The following PCDHGA9 variants were observed in gnomAD, a reference collection of about 807,000 sequenced individuals.
PCDHGA9 encodes protocadherin gamma-A9.
A neutral mutation model predicts 62.5 loss-of-function variants in PCDHGA9; 37 were observed. That is an observed-to-expected ratio of 0.59 (90% confidence interval 0.46 to 0.78). The LOEUF (loss-of-function observed/expected upper bound fraction) is 0.78, where lower values mean the gene tolerates loss of function less well. Ranked by LOEUF, PCDHGA9 falls within the 30% of genes least tolerant of loss-of-function variation. The pLI, the probability that PCDHGA9 is intolerant of heterozygous loss-of-function variation, is 0.00. For synonymous variants in PCDHGA9, 459 were observed against 484.6 expected (o/e 0.95, Z 0.69); for missense variants, 1,138 against 1,166.2 (o/e 0.98, Z 0.35).
intron 1 of PCDHGA9, chr5:141,423,689 G>T: frequency 7.1e-7 from 1 of 1,400,130 alleles, no homozygotes; most frequent in Non-Finnish European, 9.4e-7. Context: ...CCTCCTAATT[G>T]TTGGTGTCTT....
intron 1 of PCDHGA9, among the ~76,000 whole-genome samples, chr5:141,438,216 T>A (rs2097938802): frequency 6.6e-6 from 1 of 152,158 alleles, no homozygotes; most frequent in Non-Finnish European, 1.5e-5. Flanking sequence ...TGGGAAGGGC[T>A]CTGGTTCAGG....
chr5:141,432,575 T>TACC lies in PCDHGA9; in HGVS notation c.2424+27200_2424+27202dup, dbSNP rs1044250629. 6.2e-7 allele frequency: 1 copy of TACC among 1,613,326 alleles called. No individual in the cohort carries two copies. The highest frequency in any genetic ancestry group is 1.3e-5 in the African/African-American group (1 of 74,718). ...CTCCGGCCAGAACGCCTGGCTGTCC[T>TACC]ACCGTCTGCTCAAGGCCAGCGAGCC... On this transcript the variant is annotated intron_variant, in intron 1 of 3. Transcript: ENST00000573521. This position sits in a 1 kb window ranked among gnomAD's most constrained non-coding sequence, Gnocchi z 6.0.
intron 1 of PCDHGA9, chr5:141,418,636 C>G (rs564881404): frequency 6.2e-7 from 1 of 1,613,980 alleles, no homozygotes; most frequent in South Asian, 1.1e-5. Context: ...CTCCAGGCAC[C>G]TCCATCCTGA....
chr5:141,457,680 G>A lies in PCDHGA9; in HGVS notation c.2425-37127G>A, dbSNP rs866876250. 2.6e-5 allele frequency among the ~76,000 whole-genome samples: 4 copies of A among 152,290 alleles called. No individual in the cohort carries two copies. The South Asian group carries it at 8.3e-4, about 32-fold the overall frequency. On this transcript the variant is annotated intron_variant, in intron 1 of 3. Coordinates refer to ENST00000573521, the MANE Select transcript of PCDHGA9 (RefSeq NM_018921.3). The stretch of plus-strand genomic sequence containing the variant: ...AGCAAGAATGGTTATTTCTACATAG[G>A]ACTTTTGGATTGGCTTTGATGAAAC...
chr5:141,453,465 A>G (rs1167340749), intron 1 of PCDHGA9, among the ~76,000 whole-genome samples: 2 of 152,098 alleles, frequency 1.3e-5, no homozygotes, highest in African/African-American at 4.8e-5. Flanking sequence ...AAACATTAAC[A>G]TAAAGTCAAA....
intron 1 of PCDHGA9, among the ~76,000 whole-genome samples, chr5:141,466,506 G>A (rs1417729031): frequency 6.6e-6 from 1 of 152,156 alleles, no homozygotes; most frequent in Non-Finnish European, 1.5e-5. Context: ...GCACAGACAA[G>A]ATCATTTTTT....
chr5:141,494,173 G>C (rs554811420), intron 1 of PCDHGA9, among the ~76,000 whole-genome samples: 2 of 152,304 alleles, frequency 1.3e-5, no homozygotes, highest in South Asian at 2.1e-4. Flanking sequence ...CTAGGGGTGA[G>C]AAGTGTCCCG....
At chr5:141,417,872 T>G (rs2096175848) in intron 1 of PCDHGA9, 5 of 1,555,026 alleles carry the variant, frequency 3.2e-6, no homozygotes, top group African/African-American at 1.4e-5. Flanking sequence ...GGGAGGGAGC[T>G]GCGCGCAGAG....
intron 1 of PCDHGA9, chr5:141,413,580 A>G (rs1216926250): frequency 5.0e-6 from 8 of 1,613,804 alleles, no homozygotes; most frequent in Non-Finnish European, 1.7e-6. Context: ...ACAATGCTCC[A>G]AAATTCCAAG....
chr5:141,460,537 C>T (rs2098991642), intron 1 of PCDHGA9, among the ~76,000 whole-genome samples: 1 of 152,062 alleles, frequency 6.6e-6, no homozygotes, highest in African/African-American at 2.4e-5. Context: ...ATAATCTTAG[C>T]ACCTTAATCA....
chr5:141,490,092 C>T lies in PCDHGA9; in HGVS notation c.2425-4715C>T. On this transcript the variant is annotated intron_variant, in intron 1 of 3. Coordinates refer to ENST00000573521, the MANE Select transcript of PCDHGA9 (RefSeq NM_018921.3). This position sits in a 1 kb window ranked among gnomAD's most constrained non-coding sequence, Gnocchi z 5.4. ...AACTAGACTATTCTTTTGGAGACCA[C>T]ACATCTGAGGCAGTGCGGAACCTCT... 6.2e-7 allele frequency: 1 copy of T among 1,614,240 alleles called. No individual in the cohort carries two copies.
chr5:141,471,058 T>C (rs991869999), intron 1 of PCDHGA9, among the ~76,000 whole-genome samples: 2 of 149,826 alleles, frequency 1.3e-5, no homozygotes, highest in Non-Finnish European at 3.0e-5. Context: ...TTTTTTTTTT[T>C]TTTTTTTTGA....
intron 1 of PCDHGA9, chr5:141,410,296 A>G (rs1424650333): frequency 6.2e-7 from 1 of 1,613,774 alleles, no homozygotes; most frequent in Admixed American, 1.7e-5. Flanking sequence ...CCTTGGCCTT[A>G]ATCTCAGTGC....
At chr5:141,427,986 G>C in intron 1 of PCDHGA9, 1 of 1,598,018 alleles carries the variant, frequency 6.3e-7, no homozygotes, top group East Asian at 2.2e-5. Context: ...GCTGGGGCCC[G>C]ATGGCTCCGC....
intron 1 of PCDHGA9, chr5:141,415,489 C>G: frequency 6.2e-7 from 1 of 1,614,220 alleles, no homozygotes; most frequent in Non-Finnish European, 8.5e-7. Flanking sequence ...AAAGAGTCAC[C>G]TGATCTTCCC....
In PCDHGA9 at chr5:141,404,785, C is replaced by T. The variant is rs1028323734; in HGVS notation, c.1833C>T (p.Ala611=). Residue 611 remains alanine, a synonymous_variant, in exon 1 of 4, where the codon GCC becomes GCT. Transcript: ENST00000573521. ...NAWLSYRLFK[A]SEPGLFSVGL... ...GGCTCTCCTACCGCCTATTCAAGGC[C>T]AGTGAGCCAGGGCTCTTCTCGGTGG... 1.9e-6 allele frequency: 3 copies of T among 1,613,330 alleles called. No homozygotes were observed. The highest frequency in any genetic ancestry group is 1.7e-5 in the Admixed American group (1 of 59,904).
chr5:141,419,275 G>A, intron 1 of PCDHGA9: 26 of 1,613,974 alleles, frequency 1.6e-5, no homozygotes, highest in Non-Finnish European at 2.2e-5. Flanking sequence ...CCTCCATAGC[G>A]CAAGTCAGTG....
intron 1 of PCDHGA9, chr5:141,421,033 C>T (rs915028623): frequency 2.4e-5 from 13 of 533,788 alleles, no homozygotes; most frequent in Non-Finnish European, 6.5e-6. Context: ...CCATTGAGTC[C>T]CTCCCTCCCC....
Position 141,512,574 on chromosome 5 carries a change from C to G in PCDHGA9, c.*1401C>G, listed in dbSNP as rs1429371202. 2 of 152,884 alleles carry G rather than the reference C, an allele frequency of 1.3e-5. No homozygotes were observed. Among genetic ancestry groups the G allele is most frequent in the South Asian group, 2.1e-4 (1 of 4,836 alleles). 9.5% of individuals were successfully genotyped at this position (152,884 alleles called of 1,614,324 possible). On this transcript the variant is annotated 3_prime_UTR_variant, in exon 4 of 4. Transcript: ENST00000573521. ...GTGCATAGACCTTCTTCTCCCACCC[C>G]CTTCTGCCCCTGGGTCCCCGGCCAT...
Sources: gnomAD v4.1 joint callset for allele counts (sites outside exome capture counted in the v4.1 genomes callset) on GRCh38, gnomAD v4.1.1 for gene constraint, Gnocchi (gnomAD v3.1) non-coding constraint, MANE v1.5 for transcripts, NCBI Gene and HGNC (gene_info 2026-07-23, HGNC 2026-07-21) for gene names.